The following KIF20B variants were observed in gnomAD, a reference collection of about 807,000 sequenced individuals.
KIF20B encodes the protein kinesin family member 20B.
A neutral mutation model predicts 232.5 loss-of-function variants in KIF20B; 188 were observed. The ratio of observed to expected loss-of-function variants is 0.81; its 90% CI spans 0.72 to 0.91. The LOEUF (loss-of-function observed/expected upper bound fraction) is 0.91, where lower values mean the gene tolerates loss of function less well. Ranked by LOEUF, KIF20B falls within the 40% of genes least tolerant of loss-of-function variation. KIF20B has a pLI of 0.00. For synonymous variants in KIF20B, 712 were observed against 683.0 expected, an observed-to-expected ratio of 1.04 and a Z score of -0.66; for missense variants, 2,154 against 2,055.9, an observed-to-expected ratio of 1.05 and a Z score of -0.92.
intron 2 of KIF20B, among the ~76,000 whole-genome samples, chr10:89,706,820 T>C (rs1344576037): frequency 1.3e-5 from 2 of 152,154 alleles, no homozygotes; most frequent in Non-Finnish European, 2.9e-5. Flanking sequence ...AGCTTTATAA[T>C]GATTCTTGAA....
At chr10:89,771,391 A>T (rs1842457386) in intron 31 of KIF20B, among the ~76,000 whole-genome samples, 1 of 152,088 alleles carries the variant, frequency 6.6e-6, no homozygotes. Context: ...CTCTAGGCCA[A>T]CATATGTATG....
At chr10:89,731,828 C>G (rs1046647362) in intron 18 of KIF20B, among the ~76,000 whole-genome samples, 1 of 152,134 alleles carries the variant, frequency 6.6e-6, no homozygotes. Flanking sequence ...GGAGATTGTT[C>G]TTTATGACAT....
At position 89,724,061 on chromosome 10, in the gene KIF20B, A is replaced by G; in HGVS notation, c.1820A>G (p.Gln607Arg). Residue 607 changes from glutamine (Q) to arginine (R), a missense_variant, in exon 14 of 33, where the codon CAG (glutamine) becomes CGG (arginine). Coordinates refer to ENST00000371728, the MANE Select transcript of KIF20B (RefSeq NM_001284259.2). ...LEFKIREEVT[Q>R]EFTQYWAQRE... The stretch of plus-strand genomic sequence containing the variant: ...TTTAAAATTCGAGAAGAAGTTACAC[A>G]GGAGTTTACTCAGTATTGGGCTCAA... 5 of 1,575,680 alleles carry G rather than the reference A, an allele frequency of 3.2e-6. No individual in the cohort carries two copies. In the South Asian group the frequency reaches 3.7e-5, roughly 12 times the overall value.
chr10:89,768,623 G>A, intron 30 of KIF20B, 115 bp from the exon 31 acceptor site: 1 of 1,045,028 alleles, frequency 9.6e-7, no homozygotes, highest in South Asian at 1.7e-5. Context: ...CATACTTAAA[G>A]TTTCCTACCT....
rs1201088465 is a variant in KIF20B, at chr10:89,738,478, A to C, written c.3637A>C (p.Lys1213Gln). 2.5e-6 allele frequency: 4 copies of C among 1,605,758 alleles called. No homozygotes were observed. The change falls in exon 20 of 33, where the codon AAA becomes CAA. Residue 1213 changes from lysine (K) to glutamine (Q), a missense_variant. By Grantham distance (53) the Lys-to-Gln change is moderately conservative (BLOSUM62 1). Coordinates refer to ENST00000371728, the MANE Select transcript of KIF20B (RefSeq NM_001284259.2). Reference protein sequence around the residue: ...EFQEHLQDSVKNTKDLNVKEL... With the variant: ...EFQEHLQDSVQNTKDLNVKEL... ...TCAAGAACATCTTCAGGATTCTGTC[A>C]AAAACACCAAAGATTTAAATGTAAA...
chr10:89,713,155 T>C (rs538188381), intron 6 of KIF20B, among the ~76,000 whole-genome samples: 34 of 151,700 alleles, frequency 2.2e-4, no homozygotes, highest in African/African-American at 8.0e-4. Flanking sequence ...AGGCCAGGAG[T>C]TGGAGACTAG....
intron 28 of KIF20B, among the ~76,000 whole-genome samples, chr10:89,761,437 G>C (rs1336166763): frequency 6.6e-6 from 1 of 150,884 alleles, no homozygotes; most frequent in Non-Finnish European, 1.5e-5. Context: ...TGTATCTTAT[G>C]AATGGAAGCT....
Position 89,732,934 on chromosome 10 carries a change from A to G in KIF20B, c.2423A>G (p.Asn808Ser). ...DKADTSSLII[N>S]NKLICNETVE... Reference sequence around the variant, plus strand: ...GCTGATACATCTTCTTTAATAATAAACAATAAATTGATTTGTAATGAAACA... The same window carrying G: ...GCTGATACATCTTCTTTAATAATAAGCAATAAATTGATTTGTAATGAAACA... The change falls in exon 19 of 33, where the codon AAC becomes AGC. Residue 808 changes from asparagine to serine, a missense_variant. Transcript: ENST00000371728. 6.2e-7 allele frequency: 1 copy of G among 1,606,464 alleles called. No homozygotes were observed. Among genetic ancestry groups the G allele is most frequent in the Non-Finnish European group, 8.5e-7 (1 of 1,175,682 alleles).
At chr10:89,767,535 G>A (rs1353914961) in intron 29 of KIF20B, among the ~76,000 whole-genome samples, 1 of 151,942 alleles carries the variant, frequency 6.6e-6, no homozygotes, top group Non-Finnish European at 1.5e-5. Flanking sequence ...GTTCAGTCAT[G>A]ATCTTTTCTC....
intron 1 of KIF20B, among the ~76,000 whole-genome samples, chr10:89,702,755 C>T (rs943404175): frequency 1.5e-4 from 21 of 141,756 alleles, no homozygotes; most frequent in Non-Finnish European, 2.3e-4. Context: ...CTAGGACCGA[C>T]TTTTTTTTTT....
At chr10:89,732,493 T>G (rs982823957) in intron 18 of KIF20B, among the ~76,000 whole-genome samples, 2 of 134,320 alleles carry the variant, frequency 1.5e-5, no homozygotes, top group African/African-American at 3.1e-5. Context: ...ATCTAGAAGC[T>G]CAGTTTCAAA....
At chr10:89,724,128 G>T (rs1372216981) in intron 14 of KIF20B, 25 bp downstream of exon 14, 2 of 1,430,078 alleles carry the variant, frequency 1.4e-6, no homozygotes, top group Non-Finnish European at 9.2e-7. Flanking sequence ...TCATGTCCAG[G>T]TAAAAATTGA....
chr10:89,718,416 C>T lies in KIF20B; in HGVS notation c.1272-294C>T, dbSNP rs1436458741. Among the ~76,000 whole-genome samples, 6 of 152,056 alleles carry T rather than the reference C, an allele frequency of 3.9e-5. No individual in the cohort carries two copies. The East Asian group carries it at 7.7e-4, about 20-fold the overall frequency. ...ATCCCTGCTACCCTGGAGGCAGAGG[C>T]GAGAGGATCGCTTGAGCCTAAGATG... is the stretch of plus-strand genomic sequence containing the variant. On this transcript the variant is annotated intron_variant, in intron 11 of 32. Coordinates refer to ENST00000371728, the MANE Select transcript of KIF20B (RefSeq NM_001284259.2).
chr10:89,771,418 A>T (rs1299023996), intron 31 of KIF20B, among the ~76,000 whole-genome samples: 1 of 151,694 alleles, frequency 6.6e-6, no homozygotes, highest in South Asian at 2.1e-4. Context: ...AAACATTTCT[A>T]TTTTTTTTAG....
Position 89,737,755 on chromosome 10 carries a change from A to T in KIF20B, c.2914A>T (p.Thr972Ser), listed in dbSNP as rs1841690635. The T allele has an allele frequency of 3.1e-6, 5 of 1,611,692 alleles. No homozygotes were observed. The highest frequency in any genetic ancestry group is 4.2e-6 in the Non-Finnish European group (5 of 1,178,416). Residue 972 changes from threonine to serine, a missense_variant, in exon 20 of 33, where the codon ACA (threonine) becomes TCA (serine). Transcript: ENST00000371728. ...ATTGTCAAATGAGATAGAAACTGCTACAAGAAGCATTACAAATAATGTTTC... is the reference window on the plus strand; with the variant it reads ...ATTGTCAAATGAGATAGAAACTGCTTCAAGAAGCATTACAAATAATGTTTC... ...MKLSNEIETA[T>S]RSITNNVSQI...
In KIF20B at chr10:89,743,904, C is replaced by T; in HGVS notation, c.4012C>T (p.Gln1338Ter). ...GTGTTCTCAGGAATTAGATATGAAA[C>T]AGCGAACCATTCAGCAACTCAAGGT... is the stretch of plus-strand genomic sequence containing the variant. Reference protein sequence around the residue: ...NQCSQELDMKQRTIQQLKEQL... With the variant: ...NQCSQELDMK Residue 1338 changes from glutamine to a stop codon, truncating the protein, a stop_gained, in exon 22 of 33, where the codon CAG becomes TAG. Coordinates refer to ENST00000371728, the MANE Select transcript of KIF20B (RefSeq NM_001284259.2). LOFTEE classifies it high-confidence loss of function. 1.3e-6 allele frequency: 2 copies of T among 1,585,176 alleles called. No homozygotes were observed. Among genetic ancestry groups the T allele is most frequent in the South Asian group, 1.2e-5 (1 of 83,938 alleles).
At chr10:89,747,447 A>T (rs1438054728) in intron 23 of KIF20B, among the ~76,000 whole-genome samples, 4 of 152,072 alleles carry the variant, frequency 2.6e-5, no homozygotes, top group Non-Finnish European at 4.4e-5. Flanking sequence ...GTATGTTTAT[A>T]GCAGCACTAT....
intron 25 of KIF20B, among the ~76,000 whole-genome samples, chr10:89,753,468 A>G (rs1564672443): frequency 6.6e-6 from 1 of 152,214 alleles, no homozygotes; most frequent in South Asian, 2.1e-4. Context: ...AAATATTATG[A>G]AAAAAGTGTA....
In KIF20B at chr10:89,729,861, G is replaced by C. The variant is rs143234739; in HGVS notation, c.2391+614G>C. On this transcript the variant is annotated intron_variant, in intron 18 of 32. Transcript: ENST00000371728. ...TTTTGGTTTTCTTTTTTTGGGGTAA[G>C]CTCCTTCAAATTATTCTTTTATTTA... is the stretch of plus-strand genomic sequence containing the variant. Among the ~76,000 whole-genome samples, 92 of 152,072 alleles carry C rather than the reference G, an allele frequency of 6.0e-4. 2 individuals carry two copies. In the East Asian group the frequency reaches 0.017, roughly 28 times the overall value.
Sources: allele counts gnomAD v4.1 joint callset (sites outside exome capture counted in the v4.1 genomes callset), GRCh38; gene constraint gnomAD v4.1.1; transcripts MANE v1.5; gene names NCBI Gene and HGNC (gene_info 2026-07-23, HGNC 2026-07-21).